The following ATXN1 variants were observed in gnomAD, a reference collection of about 807,000 sequenced individuals.
The protein encoded by ATXN1 is ataxin-1.
In ATXN1, 8 loss-of-function variants were observed where a neutral mutation model predicts 56.4. The ratio of observed to expected loss-of-function variants is 0.14; its 90% confidence interval spans 0.08 to 0.26. The LOEUF (loss-of-function observed/expected upper bound fraction) is 0.26, where lower values mean the gene tolerates loss of function less well. Among genes scored for constraint, ATXN1 ranks in the 10% least tolerant of loss-of-function variants. ATXN1 has a pLI of 1.00. For synonymous variants in ATXN1, 514 were observed against 494.6 expected, an observed-to-expected ratio of 1.04 and a Z score of -0.52; for missense variants, 987 against 1,106.5, an observed-to-expected ratio of 0.89 and a Z score of 1.53.
intron 3 of ATXN1, chr6:16,614,925 GATAAAATAAAATGAA>G (rs1395244153): frequency 7.3e-5 from 11 of 150,118 alleles, no homozygotes; most frequent in Non-Finnish European, 1.5e-4. Context: ...ACCCTGTCTT[GATAAAATAAAATGAA>G]ATAAAATAAA....
chr6:16,436,924 G>A (rs932194389), intron 6 of ATXN1, among the ~76,000 whole-genome samples: 3 of 152,188 alleles, frequency 2.0e-5, no homozygotes, highest in Non-Finnish European at 4.4e-5. Flanking sequence ...ATGAACTCCA[G>A]CCAAGAGATG....
intron 6 of ATXN1, among the ~76,000 whole-genome samples, chr6:16,331,277 A>G (rs1760985831): frequency 6.6e-6 from 1 of 152,258 alleles, no homozygotes; most frequent in Non-Finnish European, 1.5e-5. Context: ...CTGGGATTAC[A>G]GGCGTGAGCC....
intron 6 of ATXN1, among the ~76,000 whole-genome samples, chr6:16,336,614 T>TGCTTTTGAAAGAGA (rs1761129079): frequency 6.6e-6 from 1 of 152,318 alleles, no homozygotes; most frequent in African/African-American, 2.4e-5. Context: ...AGCACTAACA[T>TGCTTTTGAAAGAGA]GCTTTTGAAA....
intron 2 of ATXN1, among the ~76,000 whole-genome samples, chr6:16,704,161 G>A (rs1759354734): frequency 6.6e-6 from 1 of 152,218 alleles, no homozygotes; most frequent in South Asian, 2.1e-4. Context: ...TGTTTTGGAG[G>A]TGCGCACTGA....
intron 6 of ATXN1, among the ~76,000 whole-genome samples, chr6:16,466,971 G>C (rs1760121389): frequency 6.6e-6 from 1 of 152,188 alleles, no homozygotes; most frequent in South Asian, 2.1e-4. Context: ...TTACACAAAA[G>C]CCAGTGTTTG....
At chr6:16,467,837 G>A (rs766048766) in intron 6 of ATXN1, among the ~76,000 whole-genome samples, 1 of 152,192 alleles carries the variant, frequency 6.6e-6, no homozygotes, top group Non-Finnish European at 1.5e-5. Flanking sequence ...CAAAATTTTA[G>A]TAGGTAAAAA....
intron 6 of ATXN1, among the ~76,000 whole-genome samples, chr6:16,439,275 A>G (rs552010758): frequency 5.2e-4 from 77 of 146,686 alleles, no homozygotes; most frequent in African/African-American, 1.6e-3. Flanking sequence ...GTCAATGGCA[A>G]TTTGGCAACT....
chr6:16,346,829 C>T (rs1761407027), intron 6 of ATXN1, among the ~76,000 whole-genome samples: 1 of 152,206 alleles, frequency 6.6e-6, no homozygotes, highest in African/African-American at 2.4e-5. Context: ...GGACCTCTTT[C>T]TGGGCTGGCC....
chr6:16,409,757 G>A (rs1391909862), intron 6 of ATXN1, among the ~76,000 whole-genome samples: 3 of 151,530 alleles, frequency 2.0e-5, no homozygotes, highest in Admixed American at 2.0e-4. Context: ...GCTTCCAGAC[G>A]TGCAGAATCT....
rs1762089591 is a variant in ATXN1, at chr6:16,373,678, T to C, written c.-160-45208A>G. Among the ~76,000 whole-genome samples, 4 of 152,256 alleles carry C rather than the reference T, an allele frequency of 2.6e-5. No individual in the cohort carries two copies. In the South Asian group the frequency reaches 8.3e-4, roughly 32 times the overall value. On this transcript the variant is annotated intron_variant, in intron 6 of 7. Coordinates refer to ENST00000436367, the MANE Select transcript of ATXN1 (RefSeq NM_001128164.2). ...TAAGTCTCACGAGATCTGATTGTTT[T>C]ATAAGAGGTTTCCCCTTTTGATTGC...
chr6:16,549,539 T>C (rs1408797381), intron 4 of ATXN1, among the ~76,000 whole-genome samples: 1 of 152,164 alleles, frequency 6.6e-6, no homozygotes. Flanking sequence ...TAGGTGTCTG[T>C]TGTCCCACAG....
chr6:16,693,193 G>C (rs992398398), intron 2 of ATXN1, among the ~76,000 whole-genome samples: 1 of 152,228 alleles, frequency 6.6e-6, no homozygotes, highest in Non-Finnish European at 1.5e-5. Context: ...AAGAACATCA[G>C]AGATGTGAGC....
At chr6:16,497,129 C>T (rs767194117) in intron 5 of ATXN1, among the ~76,000 whole-genome samples, 33 of 152,068 alleles carry the variant, frequency 2.2e-4, no homozygotes, top group Non-Finnish European at 4.4e-4. Flanking sequence ...GGAATGACTT[C>T]GTTATGGAAA....
rs760293106 is a variant in ATXN1, at chr6:16,499,895, C to A, written c.-298-13786G>T. Among the ~76,000 whole-genome samples the A allele has an allele frequency of 7.7e-4, 117 of 152,192 alleles. 1 individual carries two copies. The highest frequency in any genetic ancestry group is 1.2e-3 in the Non-Finnish European group (85 of 68,030). ...CTCCAACTTGGCTACACATTGTGAC[C>A]ACCCAGAGAGATTTAGAAAGTACTA... On this transcript the variant is annotated intron_variant, in intron 5 of 7. Coordinates refer to ENST00000436367, the MANE Select transcript of ATXN1 (RefSeq NM_001128164.2).
At chr6:16,525,223 CTGTT>C (rs1761368290) in intron 4 of ATXN1, among the ~76,000 whole-genome samples, 1 of 152,168 alleles carries the variant, frequency 6.6e-6, no homozygotes, top group African/African-American at 2.4e-5. Flanking sequence ...TGCACTTCCT[CTGTT>C]TGTTACAGCA....
chr6:16,440,353 C>T (rs1759488899), intron 6 of ATXN1, among the ~76,000 whole-genome samples: 1 of 150,542 alleles, frequency 6.6e-6, no homozygotes, highest in South Asian at 2.1e-4. Context: ...AACACTAATC[C>T]CAATAAAAAC....
chr6:16,663,904 A>G (rs1758375078), intron 2 of ATXN1, among the ~76,000 whole-genome samples: 1 of 152,246 alleles, frequency 6.6e-6, no homozygotes, highest in Non-Finnish European at 1.5e-5. Flanking sequence ...ACCCACAACC[A>G]ATGGAAACTA....
intron 3 of ATXN1, among the ~76,000 whole-genome samples, chr6:16,591,645 C>T (rs1762725284): frequency 6.6e-6 from 1 of 152,106 alleles, no homozygotes; most frequent in Admixed American, 6.5e-5. Flanking sequence ...TTTTCCCTGC[C>T]GTGTAATGAT....
chr6:16,592,410 C>G lies in ATXN1; in HGVS notation c.-488-6503G>C, dbSNP rs552560340. Among the ~76,000 whole-genome samples the G allele has an allele frequency of 3.9e-5, 6 of 152,240 alleles. No homozygotes were observed. In the South Asian group the frequency reaches 1.2e-3, roughly 32 times the overall value. On this transcript the variant is annotated intron_variant, in intron 3 of 7. Coordinates refer to ENST00000436367, the MANE Select transcript of ATXN1 (RefSeq NM_001128164.2). ...TACATCATCACGCATATGCCGGACT[C>G]CTGCCTCACTCAGAAGACCACGTGT... is the stretch of plus-strand genomic sequence containing the variant.
Sources: allele counts gnomAD v4.1 joint callset (sites outside exome capture counted in the v4.1 genomes callset), GRCh38; gene constraint gnomAD v4.1.1; transcripts MANE v1.5; gene names NCBI Gene and HGNC (gene_info 2026-07-23, HGNC 2026-07-21).